ROCK1: variants seen among roughly 807,000 people sequenced by gnomAD.
ROCK1 encodes rho-associated protein kinase 1.
Under a neutral mutation model 196.8 loss-of-function variants are expected in ROCK1, and 36 were observed. The observed-to-expected ratio is 0.18, with a 90% CI of 0.14 to 0.24. The LOEUF is 0.24. Among genes scored for constraint, ROCK1 ranks in the 10% least tolerant of loss-of-function variants. The pLI, the probability that ROCK1 is intolerant of heterozygous loss-of-function variation, is 1.00. For missense variants in ROCK1, 920 were observed against 1,562.0 expected, an observed-to-expected ratio of 0.59 and a Z score of 6.93; for synonymous variants, 443 against 515.9, an observed-to-expected ratio of 0.86 and a Z score of 1.91.
chr18:21,006,049 C>G (rs1004545752), intron 16 of ROCK1, among the ~76,000 whole-genome samples: 1 of 151,986 alleles, frequency 6.6e-6, no homozygotes, highest in Non-Finnish European at 1.5e-5. Flanking sequence ...ATAAAATATT[C>G]CTTCCATTGA....
At chr18:21,088,752 G>A (rs1337416233) in intron 1 of ROCK1, among the ~76,000 whole-genome samples, 2 of 152,114 alleles carry the variant, frequency 1.3e-5, no homozygotes, top group African/African-American at 4.8e-5. Context: ...TGATTAGGGA[G>A]TTTGGACCCT....
intron 1 of ROCK1, among the ~76,000 whole-genome samples, chr18:21,086,267 A>C (rs1033474116): frequency 6.6e-6 from 1 of 151,834 alleles, no homozygotes; most frequent in African/African-American, 2.4e-5. Flanking sequence ...ATGCACCACC[A>C]CACCTGGCTA....
intron 2 of ROCK1, among the ~76,000 whole-genome samples, chr18:21,057,720 C>T (rs2036255722): frequency 6.6e-6 from 1 of 152,052 alleles, no homozygotes; most frequent in Non-Finnish European, 1.5e-5. Context: ...AATCAGGAGG[C>T]TGAGGCATAA....
At chr18:20,967,728 T>A in intron 26 of ROCK1, 24 bp downstream of exon 26, 3 of 1,517,374 alleles carry the variant, frequency 2.0e-6, no homozygotes, top group Non-Finnish European at 2.7e-6. Context: ...CACACTCATA[T>A]CCATACACAC....
chr18:21,073,657 A>G (rs1427460886), intron 1 of ROCK1, among the ~76,000 whole-genome samples: 2 of 152,192 alleles, frequency 1.3e-5, no homozygotes, highest in African/African-American at 4.8e-5. Context: ...TTCTAAACCT[A>G]ACAGACATAT....
At chr18:20,988,039 C>T (rs542404175) in intron 18 of ROCK1, among the ~76,000 whole-genome samples, 19 of 152,176 alleles carry the variant, frequency 1.2e-4, no homozygotes, top group African/African-American at 4.6e-4. Flanking sequence ...TATCCCCAAA[C>T]CACTCCAACC....
intron 29 of ROCK1, 44 bp downstream of exon 29, chr18:20,959,796 A>G: frequency 1.0e-6 from 1 of 997,026 alleles, no homozygotes; most frequent in South Asian, 1.7e-5. Context: ...AATTATCAAA[A>G]GTTAGCTCTC....
intron 32 of ROCK1, among the ~76,000 whole-genome samples, chr18:20,952,383 A>AAATG (rs4007700): frequency 0.55 from 80,902 of 147,434 alleles, 23,587 homozygotes; most frequent in East Asian, 0.69. Context: ...CTCTGTCTCA[A>AAATG]AATGAATGAA....
At chr18:21,057,268 A>G (rs926051487) in intron 2 of ROCK1, among the ~76,000 whole-genome samples, 37 of 152,182 alleles carry the variant, frequency 2.4e-4, no homozygotes, top group African/African-American at 8.0e-4. Flanking sequence ...ACTACTATGC[A>G]ACATATTCAG....
intron 29 of ROCK1, among the ~76,000 whole-genome samples, chr18:20,958,869 TATTA>T (rs2035274289): frequency 8.5e-6 from 1 of 118,304 alleles, no homozygotes; most frequent in Non-Finnish European, 1.6e-5. Flanking sequence ...AAAATATATA[TATTA>T]TATATATAAA....
chr18:21,047,005 T>G (rs1444532743), intron 4 of ROCK1, among the ~76,000 whole-genome samples: 1 of 152,076 alleles, frequency 6.6e-6, no homozygotes, highest in Admixed American at 6.6e-5. Flanking sequence ...AAAATGTATT[T>G]TGGGGGAAGA....
Position 21,044,295 on chromosome 18 carries a change from T to C in ROCK1, c.591-109A>G, listed in dbSNP as rs866593015. On this transcript the variant is annotated intron_variant, in intron 5 of 32. Transcript: ENST00000399799. The stretch of plus-strand genomic sequence containing the variant: ...AGCATCCTCAATCTAGGTAAGGCCA[T>C]CTTTGATCTGTATGTGTTCTCTATC... The C allele has an allele frequency of 8.9e-5, 62 of 697,914 alleles. 1 individual carries two copies. In the Middle Eastern group the frequency reaches 1.8e-3, roughly 20 times the overall value. 43.2% of individuals were successfully genotyped at this position (697,914 alleles called of 1,614,324 possible).
intron 1 of ROCK1, among the ~76,000 whole-genome samples, chr18:21,107,952 G>T (rs2036717648): frequency 6.6e-6 from 1 of 152,078 alleles, no homozygotes; most frequent in South Asian, 2.1e-4. Flanking sequence ...TACTCGTGGG[G>T]GCTGAGGCAG....
chr18:21,096,326 G>A (rs1156241210), intron 1 of ROCK1, among the ~76,000 whole-genome samples: 1 of 151,588 alleles, frequency 6.6e-6, no homozygotes, highest in Non-Finnish European at 1.5e-5. Flanking sequence ...TCAGCCTCCC[G>A]AGTGGCTGGG....
chr18:20,969,412 G>A (rs1221284163), intron 23 of ROCK1: 4 of 435,840 alleles, frequency 9.2e-6, no homozygotes, highest in Admixed American at 4.1e-5. Flanking sequence ...TTCATTGTAT[G>A]CATATAGATA....
chr18:21,025,167 C>T (rs1430501376), intron 10 of ROCK1, among the ~76,000 whole-genome samples: 1 of 152,134 alleles, frequency 6.6e-6, no homozygotes, highest in African/African-American at 2.4e-5. Flanking sequence ...TATCAAGGTA[C>T]ATTTGCATAT....
chr18:20,948,939 T>C lies in ROCK1; in HGVS notation c.*2445A>G, dbSNP rs1409750222. ...TAGATTGTAGCAAGCCTGACAAGTG[T>C]TGCAGAGAACCAGCAGTGGTAGTGT... On this transcript the variant is annotated 3_prime_UTR_variant, in exon 33 of 33. Coordinates refer to ENST00000399799, the MANE Select transcript of ROCK1 (RefSeq NM_005406.3). 6.7e-6 allele frequency: 1 copy of C among 148,340 alleles called. No individual in the cohort carries two copies. Among genetic ancestry groups the C allele is most frequent in the African/African-American group, 2.5e-5 (1 of 40,358 alleles). 9.2% of individuals were successfully genotyped at this position (148,340 alleles called of 1,614,324 possible). A position where few individuals can be genotyped will look rare whatever the true frequency, so the allele number is the denominator to read the frequency against.
intron 1 of ROCK1, among the ~76,000 whole-genome samples, chr18:21,099,279 T>A (rs1184747570): frequency 6.6e-6 from 1 of 152,198 alleles, no homozygotes; most frequent in Non-Finnish European, 1.5e-5. Context: ...TAAATATATC[T>A]ATGTATATAT....
At chr18:21,046,039 G>C (rs1027894922) in intron 4 of ROCK1, among the ~76,000 whole-genome samples, 2 of 151,252 alleles carry the variant, frequency 1.3e-5, no homozygotes, top group African/African-American at 2.4e-5. Flanking sequence ...GCCTCCCGAG[G>C]AGCTGGGACT....
Sources: allele counts gnomAD v4.1 joint callset (sites outside exome capture counted in the v4.1 genomes callset), GRCh38; gene constraint gnomAD v4.1.1; transcripts MANE v1.5; gene names NCBI Gene and HGNC (gene_info 2026-07-23, HGNC 2026-07-21).